The following NCK2 variants were observed in gnomAD, a reference collection of about 807,000 sequenced individuals.
The protein encoded by NCK2 is NCK adaptor protein 2, also known as cytoplasmic protein NCK2.
NCK2 carries 16 observed loss-of-function variants against 33.9 expected under a neutral mutation model. The ratio of observed to expected loss-of-function variants is 0.47; its 90% CI spans 0.32 to 0.72. The LOEUF is 0.72. NCK2 is among the 30% of genes least tolerant of loss of function. The pLI, the probability that NCK2 is intolerant of heterozygous loss-of-function variation, is 0.03. For synonymous variants in NCK2, 273 were observed against 239.9 expected (o/e 1.14, Z -1.27); for missense variants, 418 against 537.3 (o/e 0.78, Z 2.19).
chr2:105,767,158 G>T (rs1689978834), intron 1 of NCK2, among the ~76,000 whole-genome samples: 1 of 152,152 alleles, frequency 6.6e-6, no homozygotes. Flanking sequence ...CCCCGTCTGT[G>T]TTTATCTCAT....
At chr2:105,815,012 G>A (rs1049987937) in intron 1 of NCK2, among the ~76,000 whole-genome samples, 1 of 152,206 alleles carries the variant, frequency 6.6e-6, no homozygotes, top group Non-Finnish European at 1.5e-5. Context: ...CTTTGCTGAT[G>A]TTCAGTGGTG....
intron 1 of NCK2, among the ~76,000 whole-genome samples, chr2:105,790,256 A>G (rs546598287): frequency 6.6e-6 from 1 of 152,372 alleles, no homozygotes; most frequent in Admixed American, 6.5e-5. Flanking sequence ...TTAAAATGAC[A>G]GACTCGTTTC....
At chr2:105,754,876 A>G (rs1689556590) in intron 1 of NCK2, among the ~76,000 whole-genome samples, 1 of 152,146 alleles carries the variant, frequency 6.6e-6, no homozygotes, top group Non-Finnish European at 1.5e-5. Flanking sequence ...AAAAAGTGAA[A>G]CAACCTTGGT....
chr2:105,799,361 C>T (rs1674719628), intron 1 of NCK2, among the ~76,000 whole-genome samples: 1 of 151,882 alleles, frequency 6.6e-6, no homozygotes, highest in South Asian at 2.1e-4. Flanking sequence ...TCTTGGATAC[C>T]TTTGGAATTT....
At chr2:105,862,865 C>T (rs1677595539) in intron 3 of NCK2, among the ~76,000 whole-genome samples, 2 of 152,214 alleles carry the variant, frequency 1.3e-5, no homozygotes, top group African/African-American at 2.4e-5. Context: ...TTAGAGACTA[C>T]CCTAGGCCGT....
At chr2:105,750,037 A>AAC (rs72315025) in intron 1 of NCK2, among the ~76,000 whole-genome samples, 2,427 of 144,498 alleles carry the variant, frequency 0.017, 31 homozygotes, top group African/African-American at 0.036. Flanking sequence ...AAAGCAAACA[A>AAC]ACACACACAC....
intron 1 of NCK2, among the ~76,000 whole-genome samples, chr2:105,773,134 A>G (rs1690189676): frequency 6.6e-6 from 1 of 151,624 alleles, no homozygotes; most frequent in Admixed American, 6.6e-5. Context: ...CCTGGCCTCA[A>G]TCCATCCACC....
At chr2:105,855,336 A>G in intron 3 of NCK2, 47 bp downstream of exon 3, 2 of 1,424,128 alleles carry the variant, frequency 1.4e-6, no homozygotes, top group Non-Finnish European at 9.6e-7. Context: ...ATTTCAAGGG[A>G]CACTGTTCGT....
intron 3 of NCK2, chr2:105,856,843 G>C (rs966735781): frequency 2.6e-5 from 4 of 152,138 alleles, no homozygotes; most frequent in African/African-American, 9.7e-5. Context: ...CATGCCACTT[G>C]AAAGAAACAC....
At chr2:105,769,425 T>C (rs553846735) in intron 1 of NCK2, among the ~76,000 whole-genome samples, 1 of 152,336 alleles carries the variant, frequency 6.6e-6, no homozygotes, top group Admixed American at 6.5e-5. Context: ...CCGTTCTTGC[T>C]TCTCAGGAAG....
rs193257966 is a variant in NCK2, at chr2:105,801,250, G to C, written c.-200-15180G>C. ...TCACTGGCTAGAGGCCTGCCGGGCTGTCATCTCCTTGGGGACAGGACTGTG... is the reference window on the plus strand; with the variant it reads ...TCACTGGCTAGAGGCCTGCCGGGCTCTCATCTCCTTGGGGACAGGACTGTG... On this transcript the variant is annotated intron_variant, in intron 1 of 4. Transcript: ENST00000233154. Among the ~76,000 whole-genome samples, 23 of 152,192 alleles carry C rather than the reference G, an allele frequency of 1.5e-4. No individual in the cohort carries two copies. In the East Asian group the frequency reaches 4.3e-3, roughly 28 times the overall value.
chr2:105,823,378 G>A (rs1284697863), intron 2 of NCK2, among the ~76,000 whole-genome samples: 2 of 151,854 alleles, frequency 1.3e-5, no homozygotes, highest in African/African-American at 4.9e-5. Context: ...GTGCCCTTGT[G>A]CTCCCCATTC....
intron 1 of NCK2, among the ~76,000 whole-genome samples, chr2:105,750,648 A>G (rs1689428200): frequency 1.3e-5 from 2 of 152,246 alleles, no homozygotes; most frequent in African/African-American, 2.4e-5. Flanking sequence ...CTGGCCTTCC[A>G]AAGGCTGGAA....
intron 3 of NCK2, among the ~76,000 whole-genome samples, chr2:105,868,814 G>A (rs1677862315): frequency 6.6e-6 from 1 of 152,192 alleles, no homozygotes; most frequent in Non-Finnish European, 1.5e-5. Context: ...GCGATAGCCT[G>A]GCTCAGCGCT....
At chr2:105,816,648 G>A (rs533836286) in intron 2 of NCK2, 35 bp downstream of exon 2, 1 of 152,326 alleles carries the variant, frequency 6.6e-6, no homozygotes, top group South Asian at 2.1e-4. Flanking sequence ...AACAGAAGTT[G>A]CAGCTTTTTG....
intron 2 of NCK2, among the ~76,000 whole-genome samples, chr2:105,829,694 C>T (rs949655653): frequency 6.6e-6 from 1 of 152,176 alleles, no homozygotes; most frequent in Non-Finnish European, 1.5e-5. Context: ...CTACTCATCT[C>T]ATCACATCAA....
chr2:105,840,363 T>A (rs1676599156), intron 2 of NCK2, among the ~76,000 whole-genome samples: 1 of 152,156 alleles, frequency 6.6e-6, no homozygotes, highest in African/African-American at 2.4e-5. Flanking sequence ...TGCCTGAATT[T>A]CTGTTAATGA....
At chr2:105,855,542 T>C in intron 3 of NCK2, 1 of 363,794 alleles carries the variant, frequency 2.7e-6, no homozygotes. Flanking sequence ...CCTGCACAGG[T>C]ATCTCCTTGT....
At chr2:105,767,010 C>A (rs775740823) in intron 1 of NCK2, among the ~76,000 whole-genome samples, 1 of 152,148 alleles carries the variant, frequency 6.6e-6, no homozygotes, top group Non-Finnish European at 1.5e-5. Flanking sequence ...AGGACACCTG[C>A]CCAGGTGTGT....
Sources: allele counts gnomAD v4.1 joint callset (sites outside exome capture counted in the v4.1 genomes callset), GRCh38; gene constraint gnomAD v4.1.1; transcripts MANE v1.5; gene names NCBI Gene and HGNC (gene_info 2026-07-23, HGNC 2026-07-21).